The following GLYCTK variants were observed in gnomAD, a reference collection of about 807,000 sequenced individuals.
The protein encoded by GLYCTK is HBeAg binding protein 4.
Under a neutral mutation model 24.8 loss-of-function variants are expected in GLYCTK, and 22 were observed. The observed-to-expected ratio is 0.89, with a 90% CI of 0.63 to 1.27. GLYCTK has a LOEUF of 1.27. GLYCTK is among the 50% of genes most tolerant of loss of function. GLYCTK has a pLI of 0.00. For synonymous variants in GLYCTK, 320 were observed against 297.2 expected (o/e 1.08, Z -0.79); for missense variants, 684 against 686.7 (o/e 1.00, Z 0.04).
intron 1 of GLYCTK, 165 bp from the exon 2 acceptor site, chr3:52,290,139 G>C (rs1194930218): frequency 4.9e-6 from 3 of 617,578 alleles, no homozygotes; most frequent in Non-Finnish European, 5.6e-6. Flanking sequence ...GGACGAGTAA[G>C]ATCCTGCAGC....
intron 3 of GLYCTK, 92 bp downstream of exon 3, chr3:52,291,203 C>A: frequency 6.6e-7 from 1 of 1,505,216 alleles, no homozygotes; most frequent in Non-Finnish European, 9.0e-7. Context: ...CCCCCGGGGT[C>A]ACAGGGTAAA....
intron 3 of GLYCTK, 26 bp downstream of exon 3, chr3:52,291,137 T>A (rs573981136): frequency 2.5e-6 from 4 of 1,605,110 alleles, no homozygotes; most frequent in Non-Finnish European, 3.4e-6. Flanking sequence ...GGCCCAAGAC[T>A]GTTGGTGGGG....
At position 52,290,675 on chromosome 3, in the gene GLYCTK, C is replaced by G. The variant is rs141653227; in HGVS notation, c.333C>G (p.Ser111Arg). The G allele has an allele frequency of 1.2e-6, 2 of 1,613,490 alleles. No homozygotes were observed. Among genetic ancestry groups the G allele is most frequent in the East Asian group, 4.5e-5 (2 of 44,882 alleles). The stretch of plus-strand genomic sequence containing the variant: ...AGCATCTTGTGCAGGGCGTGATCAG[C>G]GTTCCCAAGGGGATCCGTGCTGCCA... Reference protein sequence around the residue: ...LGQHLVQGVISVPKGIRAAME... With the variant: ...LGQHLVQGVIRVPKGIRAAME... Residue 111 changes from serine to arginine, a missense_variant, in exon 2 of 5, where the codon AGC becomes AGG. Physicochemically the swap from Ser to Arg is moderately radical, Grantham distance 110. Coordinates refer to ENST00000436784, the MANE Select transcript of GLYCTK (RefSeq NM_145262.4).
chr3:52,289,588 G>A (rs756192887), intron 1 of GLYCTK, among the ~76,000 whole-genome samples: 1 of 152,168 alleles, frequency 6.6e-6, no homozygotes, highest in Non-Finnish European at 1.5e-5. Context: ...TGGTGCCTGG[G>A]GACTTTTCTA....
rs1700480175 is a variant in GLYCTK at position 52,291,876 on chromosome 3, C to G, written c.659C>G (p.Ser220Cys). The change falls in exon 4 of 5, where the codon TCC becomes TGC. Residue 220 changes from serine to cysteine, a missense_variant. Transcript: ENST00000436784. Reference sequence around the variant, plus strand: ...TTGAACACCATTCGGAAGGCCCTGTCCCAGCTCAAGGGTGGGGGGCTGGCT... The same window carrying G: ...TTGAACACCATTCGGAAGGCCCTGTGCCAGCTCAAGGGTGGGGGGCTGGCT... The part of the protein sequence containing the change: ...QELNTIRKAL[S>C]QLKGGGLAQA... 1.2e-6 allele frequency: 2 copies of G among 1,613,768 alleles called. No individual in the cohort carries two copies. The highest frequency in any genetic ancestry group is 1.7e-6 in the Non-Finnish European group (2 of 1,179,988).
intron 4 of GLYCTK, 48 bp from the exon 5 acceptor site, chr3:52,292,212 A>T: frequency 6.2e-7 from 1 of 1,611,384 alleles, no homozygotes; most frequent in Non-Finnish European, 8.5e-7. Context: ...ATGGGCTCTG[A>T]GGGGAGGAGG....
intron 3 of GLYCTK, chr3:52,291,317 G>T: frequency 1.6e-6 from 1 of 627,420 alleles, no homozygotes; most frequent in Non-Finnish European, 2.8e-6. Flanking sequence ...CCCCTGAGCT[G>T]ACCTTTTCGG....
Position 52,295,028 on chromosome 3 carries a change from C to G in GLYCTK, c.*1902C>G, listed in dbSNP as rs748231191. 5 of 454,050 alleles carry G rather than the reference C, an allele frequency of 1.1e-5. No homozygotes were observed. The East Asian group carries it at 2.8e-4, about 25-fold the overall frequency. 28.1% of individuals were successfully genotyped at this position (454,050 alleles called of 1,614,324 possible). ...GGTTCCCCCTGCTCTACATTGACCCCTTCCCTATACTTCTGTTTGTAGGGG... is the reference window on the plus strand; with the variant it reads ...GGTTCCCCCTGCTCTACATTGACCCGTTCCCTATACTTCTGTTTGTAGGGG... On this transcript the variant is annotated 3_prime_UTR_variant, in exon 5 of 5. Coordinates refer to ENST00000436784, the MANE Select transcript of GLYCTK (RefSeq NM_145262.4).
chr3:52,292,274 C>T lies in GLYCTK; in HGVS notation c.720C>T (p.Ile240=). 2 of 1,613,946 alleles carry T rather than the reference C, an allele frequency of 1.2e-6. No individual in the cohort carries two copies. The highest frequency in any genetic ancestry group is 1.7e-6 in the Non-Finnish European group (2 of 1,179,956). Residue 240 remains isoleucine, a synonymous_variant, in exon 5 of 5, where the codon ATC becomes ATT. Transcript: ENST00000436784. ...CCCTTCCCCAGGTGGTGAGCCTCAT[C>T]CTGTCAGATGTGGTGGGGGACCCTG... ...AAYPAQVVSL[I]LSDVVGDPVE...
chr3:52,292,771 C>A lies in GLYCTK; in HGVS notation c.1217C>A (p.Ala406Asp). The change falls in exon 5 of 5, where the codon GCT becomes GAT. Residue 406 changes from alanine to aspartate, a missense_variant. Ala to Asp is a moderately radical substitution (Grantham distance 126). Transcript: ENST00000436784. Reference sequence around the variant, plus strand: ...GGAAGGGGCCCAGTCTGCCTGCTGGCTGGTGGCGAGCCCACAGTACAGCTG... The same window carrying A: ...GGAAGGGGCCCAGTCTGCCTGCTGGATGGTGGCGAGCCCACAGTACAGCTG... ...AWGRGPVCLL[A>D]GGEPTVQLQG... is the part of the protein sequence containing the mutation. 6 of 1,607,146 alleles carry A rather than the reference C, an allele frequency of 3.7e-6. No homozygotes were observed. The highest frequency in any genetic ancestry group is 5.1e-6 in the Non-Finnish European group (6 of 1,176,176).
chr3:52,290,529 C>T lies in GLYCTK; in HGVS notation c.187C>T (p.Pro63Ser). 4 of 1,613,614 alleles carry T rather than the reference C, an allele frequency of 2.5e-6. No individual in the cohort carries two copies. The highest frequency in any genetic ancestry group is 3.4e-6 in the Non-Finnish European group (4 of 1,180,010). ...PMLHRALSLD[P>S]GGRQLKVRDR... The stretch of plus-strand genomic sequence containing the variant: ...GCTGCACCGGGCACTATCCTTGGAC[C>T]CTGGTGGCAGACAGCTGAAGGTGCG... Residue 63 changes from proline (P) to serine (S), a missense_variant, in exon 2 of 5, where the codon CCT becomes TCT. Physicochemically the swap from Pro to Ser is moderately conservative, Grantham distance 74. Transcript: ENST00000436784.
rs142035206 is a variant in GLYCTK, at chr3:52,293,761, C to T, written c.*635C>T. 2 of 453,548 alleles carry T rather than the reference C, an allele frequency of 4.4e-6. No homozygotes were observed. Among genetic ancestry groups the T allele is most frequent in the Non-Finnish European group, 8.8e-6 (2 of 226,518 alleles). The allele number at this position is 453,548 out of a possible 1,614,324, so 28.1% of individuals were successfully genotyped here. ...TGGGGTGACCAGCCACCCACCCACCCAACCATGACTCCACCATGGCACTGT... is the reference window on the plus strand; with the variant it reads ...TGGGGTGACCAGCCACCCACCCACCTAACCATGACTCCACCATGGCACTGT... On this transcript the variant is annotated 3_prime_UTR_variant, in exon 5 of 5. Coordinates refer to ENST00000436784, the MANE Select transcript of GLYCTK (RefSeq NM_145262.4).
chr3:52,290,782 A>AG, intron 2 of GLYCTK, 63 bp downstream of exon 2: 1 of 1,594,296 alleles, frequency 6.3e-7, no homozygotes, highest in Non-Finnish European at 8.6e-7. Flanking sequence ...GCCCAGACAC[A>AG]GGCTGAATCG....
At position 52,291,766 on chromosome 3, in the gene GLYCTK, G is replaced by A. The variant is rs1296257398; in HGVS notation, c.549G>A (p.Leu183=). Reference sequence around the variant, plus strand: ...TGAGAGGTGGGGGTTCAGCTCTGCTGCCTGCCCCCATCCCACCTGTCACAC... The same window carrying A: ...TGAGAGGTGGGGGTTCAGCTCTGCTACCTGCCCCCATCCCACCTGTCACAC... ...VLISGGGSAL[L]PAPIPPVTLE... Residue 183 remains leucine (L), a synonymous_variant, in exon 4 of 5, where the codon CTG becomes CTA. Transcript: ENST00000436784. 2 of 1,613,450 alleles carry A rather than the reference G, an allele frequency of 1.2e-6. No individual in the cohort carries two copies. The highest frequency in any genetic ancestry group is 2.7e-5 in the African/African-American group (2 of 74,916).
rs978912262 is a variant in GLYCTK, at chr3:52,295,071, G to A, written c.*1945G>A. ...TGTAGGGGCTGGGAGGCCAGGGCCC[G>A]GATTGGACCCCATAGGGCCAAATGG... On this transcript the variant is annotated 3_prime_UTR_variant, in exon 5 of 5. Transcript: ENST00000436784. 13 of 453,916 alleles carry A rather than the reference G, an allele frequency of 2.9e-5. No individual in the cohort carries two copies. The highest frequency in any genetic ancestry group is 3.1e-5 in the South Asian group (2 of 64,480). 28.1% of individuals were successfully genotyped at this position (453,916 alleles called of 1,614,324 possible).
chr3:52,291,178 G>A, intron 3 of GLYCTK, 67 bp downstream of exon 3: 1 of 1,583,574 alleles, frequency 6.3e-7, no homozygotes. Context: ...AGGTCTTCGA[G>A]AGATCAGGTC....
rs757384712 is a variant in GLYCTK, at chr3:52,291,012, G to C, written c.430G>C (p.Asp144His). Residue 144 changes from aspartate to histidine, a missense_variant, in exon 3 of 5, where the codon GAC becomes CAC. Physicochemically the swap from Asp to His is moderately conservative, Grantham distance 81. Coordinates refer to ENST00000436784, the MANE Select transcript of GLYCTK (RefSeq NM_145262.4). ...TGTCCAGGTATTCGAGGGTGCGGAG[G>C]ACAACCTCCCGGACCGCGATGCGCT... is the stretch of plus-strand genomic sequence containing the variant. ...SRVQVFEGAEDNLPDRDALRA... is the reference protein window; with the variant it reads ...SRVQVFEGAEHNLPDRDALRA... 1 of 1,613,984 alleles carries C rather than the reference G, an allele frequency of 6.2e-7. No homozygotes were observed. Among genetic ancestry groups the C allele is most frequent in the African/African-American group, 1.3e-5 (1 of 75,030 alleles).
Position 52,294,074 on chromosome 3 carries a change from C to T in GLYCTK, c.*948C>T. ...GAGGTCCAGTGACCCACACCTCTTC[C>T]TGTGACCACTGGCGGGAGAAGAGGC... On this transcript the variant is annotated 3_prime_UTR_variant, in exon 5 of 5. Transcript: ENST00000436784. The T allele has an allele frequency of 2.0e-6, 1 of 498,594 alleles. No homozygotes were observed. Among genetic ancestry groups the T allele is most frequent in the Non-Finnish European group, 4.1e-6 (1 of 245,224 alleles). 30.9% of individuals were successfully genotyped at this position (498,594 alleles called of 1,614,324 possible). A position where few individuals can be genotyped will look rare whatever the true frequency, so the allele number is the denominator to read the frequency against.
intron 4 of GLYCTK, among the ~76,000 whole-genome samples, 157 bp downstream of exon 4, chr3:52,292,079 C>T (rs570368854): frequency 4.5e-4 from 68 of 152,230 alleles, no homozygotes; most frequent in Non-Finnish European, 7.1e-4. Context: ...GTGCCAGAGA[C>T]GGGGAGGAGG....
Sources: allele counts gnomAD v4.1 joint callset (sites outside exome capture counted in the v4.1 genomes callset), GRCh38; gene constraint gnomAD v4.1.1; transcripts MANE v1.5; gene names NCBI Gene and HGNC (gene_info 2026-07-23, HGNC 2026-07-21).